DYNC2H1: variants seen among roughly 807,000 people sequenced by gnomAD.
The protein encoded by DYNC2H1 is dynein cytoplasmic 2 heavy chain 1.
DYNC2H1 carries 410 observed loss-of-function variants against 570.0 expected under a neutral mutation model. The ratio of observed to expected loss-of-function variants is 0.72; its 90% CI spans 0.66 to 0.78. DYNC2H1 has a LOEUF of 0.78. DYNC2H1 is among the 30% of genes least tolerant of loss of function. The probability of loss-of-function intolerance (pLI) is 0.00; values close to 1 mark genes in which losing one functional copy is unlikely to be tolerated. For synonymous variants in DYNC2H1, 1,688 were observed against 1,677.6 expected, an observed-to-expected ratio of 1.01 and a Z score of -0.15; for missense variants, 4,865 against 5,046.4, an observed-to-expected ratio of 0.96 and a Z score of 1.09.
rs566320306 is a variant in DYNC2H1 at position 103,420,373 on chromosome 11, G to A, written c.12367-15570G>A. On this transcript the variant is annotated intron_variant, in intron 84 of 88. Transcript: ENST00000375735. ...CCAACATTCAAATTCAGGAAATGCAGAGAACCCTAGTAAGATACTCTACAA... is the reference window on the plus strand; with the variant it reads ...CCAACATTCAAATTCAGGAAATGCAAAGAACCCTAGTAAGATACTCTACAA... Among the ~76,000 whole-genome samples, 3 of 152,232 alleles carry A rather than the reference G, an allele frequency of 2.0e-5. No individual in the cohort carries two copies. The South Asian group carries it at 6.2e-4, about 32-fold the overall frequency.
intron 63 of DYNC2H1, 32 bp downstream of exon 63, chr11:103,236,571 A>C: frequency 8.3e-7 from 1 of 1,207,594 alleles, no homozygotes; most frequent in African/African-American, 1.5e-5. Context: ...TTTTATTAGA[A>C]ATGTTTTATT....
In DYNC2H1 at chr11:103,232,878, T is replaced by C. The variant is rs543583197; in HGVS notation, c.9441-1156T>C. Among the ~76,000 whole-genome samples, 34 of 98,966 alleles carry C rather than the reference T, an allele frequency of 3.4e-4. No individual in the cohort carries two copies. The East Asian group carries it at 9.2e-3, about 27-fold the overall frequency. 64.9% of individuals were successfully genotyped at this position (98,966 alleles called of 152,430 possible). On this transcript the variant is annotated intron_variant, in intron 60 of 88. Coordinates refer to ENST00000375735, the MANE Select transcript of DYNC2H1 (RefSeq NM_001377.3). ...TGTTTAATGGAACTTCATGAGATTA[T>C]GGAAATGTTCTGTGCTCTGTGTTTA... is the stretch of plus-strand genomic sequence containing the variant.
chr11:103,349,270 G>C (rs1939918000), intron 82 of DYNC2H1, among the ~76,000 whole-genome samples: 1 of 152,024 alleles, frequency 6.6e-6, no homozygotes, highest in Non-Finnish European at 1.5e-5. Context: ...TTTCAAATGT[G>C]ATATATAATA....
At chr11:103,457,355 G>A (rs1413445881) in intron 87 of DYNC2H1, among the ~76,000 whole-genome samples, 5 of 152,084 alleles carry the variant, frequency 3.3e-5, no homozygotes, top group Non-Finnish European at 1.5e-5. Context: ...AGGTATACAA[G>A]AAGAAGGCAT....
intron 31 of DYNC2H1, among the ~76,000 whole-genome samples, chr11:103,167,975 T>A (rs1388337797): frequency 6.6e-6 from 1 of 152,188 alleles, no homozygotes. Flanking sequence ...TGGGAATGAG[T>A]CCAGGAGTTC....
chr11:103,403,960 G>C (rs1358652469), intron 84 of DYNC2H1: 1 of 151,916 alleles, frequency 6.6e-6, no homozygotes, highest in Non-Finnish European at 1.5e-5. Context: ...TAAGATAATG[G>C]CAGGTGAGAT....
At chr11:103,214,430 A>G (rs1167202606) in intron 54 of DYNC2H1, among the ~76,000 whole-genome samples, 2 of 146,630 alleles carry the variant, frequency 1.4e-5, no homozygotes, top group Non-Finnish European at 3.0e-5. Flanking sequence ...TTTTAACAAT[A>G]CTAGTACTTC....
At position 103,159,056 on chromosome 11, in the gene DYNC2H1, T is replaced by C. The variant is rs957659770; in HGVS notation, c.4378+29T>C. 5.8e-6 allele frequency: 9 copies of C among 1,552,540 alleles called. No individual in the cohort carries two copies. The African/African-American group carries it at 9.5e-5, about 16-fold the overall frequency. ...GGATTCAACATTTATTTAACAGATA[T>C]TTATTGAGTTTCAACTGTCTGCCAG... On this transcript the variant is annotated intron_variant, in intron 28 of 88. Transcript: ENST00000375735.
At chr11:103,292,936 G>T (rs1269413609) in intron 75 of DYNC2H1, among the ~76,000 whole-genome samples, 1 of 152,116 alleles carries the variant, frequency 6.6e-6, no homozygotes, top group Admixed American at 6.5e-5. Context: ...TCTTTATAGC[G>T]ACACAGGAAT....
At chr11:103,414,813 T>C (rs1943219194) in intron 84 of DYNC2H1, among the ~76,000 whole-genome samples, 1 of 152,028 alleles carries the variant, frequency 6.6e-6, no homozygotes, top group Non-Finnish European at 1.5e-5. Flanking sequence ...TACCTAAGAA[T>C]ACAACTTTCA....
At chr11:103,139,791 A>G (rs1215524597) in intron 17 of DYNC2H1, among the ~76,000 whole-genome samples, 4 of 151,964 alleles carry the variant, frequency 2.6e-5, no homozygotes, top group African/African-American at 9.7e-5. Flanking sequence ...TGTCTCGTTG[A>G]TCTGTCTAAT....
In DYNC2H1 at chr11:103,446,037, TTTGTTGTTGTTG is replaced by T. The variant is rs61565760; in HGVS notation, c.12457-9128_12457-9117del. Among the ~76,000 whole-genome samples the T allele has an allele frequency of 1.2e-3, 181 of 150,590 alleles. No homozygotes were observed. The highest frequency in any genetic ancestry group is 2.9e-3 in the African/African-American group (119 of 40,934). On this transcript the variant is annotated intron_variant, in intron 85 of 88. Coordinates refer to ENST00000375735, the MANE Select transcript of DYNC2H1 (RefSeq NM_001377.3). The surrounding 1 kb of genome is among the most constrained non-coding windows in gnomAD (Gnocchi z 4.5). ...TGACAATATGGTAATAGAGCAGAGT[TTTGTTGTTGTTG>T]TTGTTGTTGTTGTTGTTGTTTAGGG...
chr11:103,135,236 G>C (rs990783007), intron 15 of DYNC2H1, among the ~76,000 whole-genome samples: 1 of 152,006 alleles, frequency 6.6e-6, no homozygotes, highest in Non-Finnish European at 1.5e-5. Context: ...AAATATGAAA[G>C]TCATTTAATA....
chr11:103,161,011 T>C lies in DYNC2H1; in HGVS notation c.4458T>C (p.Phe1486=). ...CTTTAGAGGGAGAAGTTGTACCTTT[T>C]AAAAATAAAGTTCCTCTATCAAATA... ...MKSLEGEVVP[F]KNKVPLSNNV... The change falls in exon 29 of 89, where the codon TTT becomes TTC. Residue 1486 remains phenylalanine (F), a synonymous_variant. Transcript: ENST00000375735. 6.5e-7 allele frequency: 1 copy of C among 1,539,750 alleles called. No individual in the cohort carries two copies. Among genetic ancestry groups the C allele is most frequent in the Non-Finnish European group, 8.7e-7 (1 of 1,147,410 alleles).
rs761061797 is a variant in DYNC2H1 at position 103,170,193 on chromosome 11, G to C, written c.5054G>C (p.Gly1685Ala). The C allele has an allele frequency of 6.2e-7, 1 of 1,613,110 alleles. No individual in the cohort carries two copies. Among genetic ancestry groups the C allele is most frequent in the Non-Finnish European group, 8.5e-7 (1 of 1,179,466 alleles). Residue 1685 changes from glycine to alanine, a missense_variant, in exon 33 of 89, where the codon GGA becomes GCA. Coordinates refer to ENST00000375735, the MANE Select transcript of DYNC2H1 (RefSeq NM_001377.3). This position sits in a 1 kb window ranked among gnomAD's most constrained non-coding sequence, Gnocchi z 4.8. Reference sequence around the variant, plus strand: ...CAAGCCATGAAGATGGGACTTGGAGGAAATCCTTATGGACCAGCTGGAACT... The same window carrying C: ...CAAGCCATGAAGATGGGACTTGGAGCAAATCCTTATGGACCAGCTGGAACT... ...LTQAMKMGLGGNPYGPAGTGK... is the reference protein window; with the variant it reads ...LTQAMKMGLGANPYGPAGTGK...
chr11:103,412,932 CAAA>C (rs2135692416), intron 84 of DYNC2H1, among the ~76,000 whole-genome samples: 1 of 152,248 alleles, frequency 6.6e-6, no homozygotes, highest in Admixed American at 6.5e-5. Context: ...GAGTGGTTCT[CAAA>C]GTGTGGTCTC....
intron 21 of DYNC2H1, among the ~76,000 whole-genome samples, 170 bp from the exon 22 acceptor site, chr11:103,153,133 T>G (rs917163132): frequency 2.6e-5 from 4 of 152,226 alleles, no homozygotes; most frequent in African/African-American, 9.6e-5. Context: ...ATGTTTGAAT[T>G]ATTTTATTGA....
chr11:103,379,545 C>A (rs1941550894), intron 83 of DYNC2H1, among the ~76,000 whole-genome samples: 1 of 152,186 alleles, frequency 6.6e-6, no homozygotes, highest in African/African-American at 2.4e-5. Flanking sequence ...TCTTTATGGA[C>A]TAAGGCAGAA....
chr11:103,419,327 T>A (rs928896718), intron 84 of DYNC2H1, among the ~76,000 whole-genome samples: 1 of 152,160 alleles, frequency 6.6e-6, no homozygotes, highest in African/African-American at 2.4e-5. Context: ...CCATTCCTCC[T>A]GACTGGATGA....
Sources: gnomAD v4.1 joint callset for allele counts (sites outside exome capture counted in the v4.1 genomes callset) on GRCh38, gnomAD v4.1.1 for gene constraint, Gnocchi (gnomAD v3.1) non-coding constraint, MANE v1.5 for transcripts, NCBI Gene and HGNC (gene_info 2026-07-23, HGNC 2026-07-21) for gene names.